FARP1: variants seen among roughly 807,000 people sequenced by gnomAD.
FARP1 encodes FERM, ARH/RhoGEF and pleckstrin domain protein 1.
FARP1 carries 52 observed loss-of-function variants against 128.8 expected under a neutral mutation model. The observed-to-expected ratio is 0.40, with a 90% CI of 0.32 to 0.51. FARP1 has a LOEUF of 0.51. Among genes scored for constraint, FARP1 ranks in the 20% least tolerant of loss-of-function variants. The probability of loss-of-function intolerance (pLI) is 0.45; values close to 1 mark genes in which losing one functional copy is unlikely to be tolerated. For missense variants in FARP1, 1,333 were observed against 1,367.9 expected, an observed-to-expected ratio of 0.97 and a Z score of 0.40; for synonymous variants, 580 against 551.8, an observed-to-expected ratio of 1.05 and a Z score of -0.72.
At chr13:98,386,832 A>G (rs1566942656) in intron 8 of FARP1, among the ~76,000 whole-genome samples, 1 of 152,196 alleles carries the variant, frequency 6.6e-6, no homozygotes, top group African/African-American at 2.4e-5. Context: ...GTGATTCTCT[A>G]TTCATGCACC....
At chr13:98,380,722 T>C (rs1889862220) in intron 6 of FARP1, among the ~76,000 whole-genome samples, 1 of 151,972 alleles carries the variant, frequency 6.6e-6, no homozygotes, top group South Asian at 2.1e-4. Flanking sequence ...TCTAGGCACA[T>C]GCCATCAGGT....
intron 3 of FARP1, among the ~76,000 whole-genome samples, chr13:98,358,317 G>T (rs1175805384): frequency 5.3e-5 from 8 of 151,940 alleles, no homozygotes; most frequent in African/African-American, 1.9e-4. Flanking sequence ...AGGCTGGGGC[G>T]CTCACAGGGA....
chr13:98,178,406 G>T (rs1474467502), intron 1 of FARP1, among the ~76,000 whole-genome samples: 1 of 152,106 alleles, frequency 6.6e-6, no homozygotes, highest in East Asian at 1.9e-4. Context: ...ATGTTGGCCA[G>T]GCTGGTGTGG....
At chr13:98,367,133 A>AGATGATGATGATGAT (rs111823714) in intron 4 of FARP1, among the ~76,000 whole-genome samples, 3 of 148,590 alleles carry the variant, frequency 2.0e-5, no homozygotes, top group Admixed American at 6.7e-5. Flanking sequence ...TGCAAATCAC[A>AGATGATGATGATGAT]GATGATGATG....
At chr13:98,189,492 G>T (rs1879089418) in intron 1 of FARP1, among the ~76,000 whole-genome samples, 1 of 152,142 alleles carries the variant, frequency 6.6e-6, no homozygotes, top group Non-Finnish European at 1.5e-5. Flanking sequence ...AATCATTAAA[G>T]ATTCTGTTAA....
chr13:98,426,989 C>T (rs1361178974), intron 17 of FARP1, among the ~76,000 whole-genome samples: 1 of 152,132 alleles, frequency 6.6e-6, no homozygotes, highest in Non-Finnish European at 1.5e-5. Flanking sequence ...CACAGTTTCC[C>T]CTGCTATTAG....
chr13:98,359,679 A>G (rs1888785128), intron 3 of FARP1, among the ~76,000 whole-genome samples: 1 of 152,182 alleles, frequency 6.6e-6, no homozygotes, highest in South Asian at 2.1e-4. Flanking sequence ...GGTAGTTGCC[A>G]GTGTGTTGGA....
intron 1 of FARP1, among the ~76,000 whole-genome samples, chr13:98,154,487 C>A (rs1876360240): frequency 1.3e-5 from 2 of 152,054 alleles, no homozygotes; most frequent in African/African-American, 4.8e-5. Context: ...ACTGGAGGAG[C>A]TTTGTTGGCT....
intron 2 of FARP1, among the ~76,000 whole-genome samples, chr13:98,308,887 A>G (rs1378667868): frequency 2.0e-5 from 3 of 152,050 alleles, no homozygotes; most frequent in Non-Finnish European, 4.4e-5. Flanking sequence ...CACGTTGCCC[A>G]GGCTGGTCTT....
chr13:98,169,558 C>T (rs1472719798), intron 1 of FARP1, among the ~76,000 whole-genome samples: 5 of 152,112 alleles, frequency 3.3e-5, no homozygotes, highest in South Asian at 2.1e-4. Context: ...GACCTTGTCT[C>T]GTCTCTTGAA....
intron 2 of FARP1, among the ~76,000 whole-genome samples, chr13:98,298,177 G>A (rs1262245025): frequency 6.6e-6 from 1 of 152,192 alleles, no homozygotes; most frequent in Admixed American, 6.5e-5. Flanking sequence ...TCCTCTATCA[G>A]GCATTATGTG....
chr13:98,449,029 T>C lies in FARP1; in HGVS notation c.*712T>C, dbSNP rs947236508. On this transcript the variant is annotated 3_prime_UTR_variant, in exon 27 of 27. Coordinates refer to ENST00000319562, the MANE Select transcript of FARP1 (RefSeq NM_005766.4). Reference sequence around the variant, plus strand: ...TGTTTTCTGTTAAGCAAAGCCGAGATCCAGTGCAATACCTGGACTGTCACC... The same window carrying C: ...TGTTTTCTGTTAAGCAAAGCCGAGACCCAGTGCAATACCTGGACTGTCACC... The C allele has an allele frequency of 6.6e-6, 1 of 152,228 alleles. No homozygotes were observed. The highest frequency in any genetic ancestry group is 2.4e-5 in the African/African-American group (1 of 41,442). 9.4% of individuals were successfully genotyped at this position (152,228 alleles called of 1,614,324 possible). A position where few individuals can be genotyped will look rare whatever the true frequency, so the allele number is the denominator to read the frequency against.
At chr13:98,270,217 C>G (rs1884325692) in intron 2 of FARP1, among the ~76,000 whole-genome samples, 1 of 152,146 alleles carries the variant, frequency 6.6e-6, no homozygotes, top group African/African-American at 2.4e-5. Context: ...GCACATTTGA[C>G]CATAGAAGAA....
intron 11 of FARP1, among the ~76,000 whole-genome samples, chr13:98,392,206 C>T (rs1215451487): frequency 3.3e-5 from 5 of 151,464 alleles, no homozygotes; most frequent in South Asian, 4.2e-4. Context: ...CTCTGGAGGC[C>T]GGGCACAATG....
At chr13:98,349,567 A>G (rs933490874) in intron 3 of FARP1, among the ~76,000 whole-genome samples, 1 of 147,928 alleles carries the variant, frequency 6.8e-6, no homozygotes, top group African/African-American at 2.5e-5. Context: ...GTTACTTGAG[A>G]GGCTGTGGCA....
intron 3 of FARP1, among the ~76,000 whole-genome samples, chr13:98,351,932 A>C (rs1351256951): frequency 6.6e-6 from 1 of 152,204 alleles, no homozygotes; most frequent in African/African-American, 2.4e-5. Context: ...ATCACATTTC[A>C]ACAAGATTTG....
chr13:98,294,287 G>A (rs1233225645), intron 2 of FARP1, among the ~76,000 whole-genome samples: 1 of 152,134 alleles, frequency 6.6e-6, no homozygotes, highest in Admixed American at 6.5e-5. Context: ...CTAACTCAAG[G>A]AGGGCAGGTT....
At chr13:98,235,899 C>T (rs541344295) in intron 2 of FARP1, among the ~76,000 whole-genome samples, 4 of 149,220 alleles carry the variant, frequency 2.7e-5, no homozygotes, top group Non-Finnish European at 4.5e-5. Context: ...TCTCGGCTCA[C>T]GGCAACCTCC....
intron 1 of FARP1, among the ~76,000 whole-genome samples, chr13:98,211,199 G>A (rs1010426890): frequency 2.0e-5 from 3 of 152,192 alleles, no homozygotes; most frequent in East Asian, 1.9e-4. Context: ...CAGATCCTGG[G>A]CCGTGGACCA....
Sources: gnomAD v4.1 joint callset for allele counts (sites outside exome capture counted in the v4.1 genomes callset) on GRCh38, gnomAD v4.1.1 for gene constraint, MANE v1.5 for transcripts, NCBI Gene and HGNC (gene_info 2026-07-23, HGNC 2026-07-21) for gene names.